The following KCNH4 variants were observed in gnomAD, a reference collection of about 807,000 sequenced individuals.
KCNH4 encodes the protein voltage-gated delayed rectifier potassium channel KCNH4.
A neutral mutation model predicts 90.7 loss-of-function variants in KCNH4; 33 were observed. That is an observed-to-expected ratio of 0.36 (90% CI 0.28 to 0.49). The LOEUF (loss-of-function observed/expected upper bound fraction) is 0.49, where lower values mean the gene tolerates loss of function less well. KCNH4 is among the 20% of genes least tolerant of loss of function. KCNH4 has a pLI of 0.98. For synonymous variants in KCNH4, 551 were observed against 581.7 expected, an observed-to-expected ratio of 0.95 and a Z score of 0.76; for missense variants, 1,044 against 1,387.1, an observed-to-expected ratio of 0.75 and a Z score of 3.93.
rs780942490 is a variant in KCNH4, at chr17:42,171,818, C to G, written c.1165G>C (p.Glu389Gln). Residue 389 changes from glutamate (E) to glutamine (Q), a missense_variant, in exon 7 of 17, where the codon GAG becomes CAG. Physicochemically the swap from Glu to Gln is conservative, Grantham distance 29. This residue lies in a region of KCNH4 where 318 missense variants were observed against 479.6 expected (regional missense o/e 0.66). Coordinates refer to ENST00000264661, the MANE Select transcript of KCNH4 (RefSeq NM_012285.3). ...TCCCAGAGCAGCGGGTCATTGGCCTCCATCTCCCGGCGCCCGATGACATAC... is the reference window on the plus strand; with the variant it reads ...TCCCAGAGCAGCGGGTCATTGGCCTGCATCTCCCGGCGCCCGATGACATAC... ...IWYVIGRREM[E>Q]ANDPLLWDIG... 1.9e-6 allele frequency: 3 copies of G among 1,614,144 alleles called. No homozygotes were observed. The highest frequency in any genetic ancestry group is 2.5e-6 in the Non-Finnish European group (3 of 1,180,036).
chr17:42,168,131 C>T (rs886264840), intron 9 of KCNH4, among the ~76,000 whole-genome samples: 3 of 152,178 alleles, frequency 2.0e-5, no homozygotes, highest in African/African-American at 4.8e-5. Flanking sequence ...ACCGACATCC[C>T]TCCTTTACAG....
chr17:42,174,476 A>G (rs1468676738), intron 6 of KCNH4, among the ~76,000 whole-genome samples: 1 of 152,110 alleles, frequency 6.6e-6, no homozygotes, highest in Non-Finnish European at 1.5e-5. Context: ...ATCTGCTCAG[A>G]ATGGTCAGAG....
At chr17:42,177,242 T>C (rs998109492) in intron 4 of KCNH4, among the ~76,000 whole-genome samples, 2 of 152,022 alleles carry the variant, frequency 1.3e-5, no homozygotes, top group East Asian at 1.9e-4. Context: ...AGAGATGGGG[T>C]TTCTCCATGT....
intron 9 of KCNH4, among the ~76,000 whole-genome samples, chr17:42,168,983 G>A (rs1437844256): frequency 6.6e-6 from 1 of 152,136 alleles, no homozygotes; most frequent in Non-Finnish European, 1.5e-5. Context: ...GTGTTAGCCA[G>A]GATGGTCTCG....
intron 4 of KCNH4, among the ~76,000 whole-genome samples, chr17:42,177,701 C>G (rs1209614587): frequency 2.6e-5 from 4 of 152,130 alleles, no homozygotes; most frequent in African/African-American, 7.2e-5. Flanking sequence ...AATCCCCTGG[C>G]TTGGTCAGGA....
Position 42,163,332 on chromosome 17 carries a change from A to C in KCNH4, c.2480T>G (p.Ile827Arg). 1.9e-6 allele frequency: 3 copies of C among 1,610,084 alleles called. No individual in the cohort carries two copies. Among genetic ancestry groups the C allele is most frequent in the Non-Finnish European group, 2.6e-6 (3 of 1,176,436 alleles). ...TFGPPDLSPR[I>R]VDGIEDSGST... Reference sequence around the variant, plus strand: ...GCCAGAGTCCTCAATGCCATCCACTATCCTGGGAACAGGGCAGTGCTCATC... The same window carrying C: ...GCCAGAGTCCTCAATGCCATCCACTCTCCTGGGAACAGGGCAGTGCTCATC... The change falls in exon 14 of 17, where the codon ATA (isoleucine) becomes AGA (arginine). Residue 827 changes from isoleucine (I) to arginine (R), a missense_variant and splice_region_variant. By Grantham distance (97) the Ile-to-Arg change is moderately conservative. This residue lies in a region of KCNH4 where 441 missense variants were observed against 512.3 expected (regional missense o/e 0.86). Coordinates refer to ENST00000264661, the MANE Select transcript of KCNH4 (RefSeq NM_012285.3). This position sits in a 1 kb window ranked among gnomAD's most constrained non-coding sequence, Gnocchi z 5.4.
At chr17:42,174,318 T>G (rs531233258) in intron 6 of KCNH4, among the ~76,000 whole-genome samples, 12 of 152,100 alleles carry the variant, frequency 7.9e-5, no homozygotes, top group African/African-American at 2.9e-4. Context: ...CATGTGATGA[T>G]GAGTGTGAAA....
intron 10 of KCNH4, 76 bp from the exon 11 acceptor site, chr17:42,165,769 T>G (rs2079782959): frequency 7.1e-6 from 11 of 1,556,438 alleles, no homozygotes; most frequent in African/African-American, 1.4e-5. Context: ...CTCAGTGGAT[T>G]TGAGGGGTGG....
At position 42,169,670 on chromosome 17, in the gene KCNH4, A is replaced by G. The variant is rs2079813377; in HGVS notation, c.1397T>C (p.Met466Thr). 2 of 1,613,358 alleles carry G rather than the reference A, an allele frequency of 1.2e-6. No individual in the cohort carries two copies. The highest frequency in any genetic ancestry group is 8.5e-7 in the Non-Finnish European group (1 of 1,179,784). ...CACGTTCCCGAACACCACAGCGTGC[A>G]TCAGGGCTGCAGCAGCAGCAGCGGG... Reference protein sequence around the residue: ...SICTMLIGALMHAVVFGNVTA... With the variant: ...SICTMLIGALTHAVVFGNVTA... Residue 466 changes from methionine to threonine, a missense_variant, in exon 9 of 17, where the codon ATG becomes ACG. By Grantham distance (81) the Met-to-Thr change is moderately conservative. Around this residue, in one of 4 missense-constraint regions of KCNH4, gnomAD observed 318 missense variants for 479.6 expected, o/e 0.66. Coordinates refer to ENST00000264661, the MANE Select transcript of KCNH4 (RefSeq NM_012285.3).
chr17:42,163,166 G>T lies in KCNH4; in HGVS notation c.2584+62C>A. 8.7e-7 allele frequency: 1 copy of T among 1,155,512 alleles called. No individual in the cohort carries two copies. The highest frequency in any genetic ancestry group is 1.3e-6 in the Non-Finnish European group (1 of 763,288). The allele number at this position is 1,155,512 out of a possible 1,614,324, so 71.6% of individuals were successfully genotyped here. A position where few individuals can be genotyped will look rare whatever the true frequency, so the allele number is the denominator to read the frequency against. On this transcript the variant is annotated intron_variant, in intron 14 of 16. Transcript: ENST00000264661. This position sits in a 1 kb window ranked among gnomAD's most constrained non-coding sequence, Gnocchi z 5.4. ...CATGGTAGGCCCCTACTACATATGG[G>T]ATGGATGGACAGGTGGATGGGCAGA... is the stretch of plus-strand genomic sequence containing the variant.
intron 15 of KCNH4, among the ~76,000 whole-genome samples, chr17:42,161,764 C>T (rs1024287365): frequency 1.6e-4 from 24 of 152,168 alleles, no homozygotes; most frequent in African/African-American, 5.6e-4. Context: ...TATGACATGC[C>T]AGGGATTGGA....
intron 4 of KCNH4, among the ~76,000 whole-genome samples, chr17:42,177,547 C>G (rs766954841): frequency 1.3e-5 from 2 of 152,300 alleles, no homozygotes; most frequent in East Asian, 1.9e-4. Flanking sequence ...CGGCACATGC[C>G]CTAGCTTGAG....
Position 42,180,114 on chromosome 17 carries a change from G to T in KCNH4, c.76+756C>A, listed in dbSNP as rs1567644300. ...TGGAAACAAGGTGGTGGGGAAGAGG[G>T]TAGGGCCCGGCGGCTCAGTTTCCGC... On this transcript the variant is annotated intron_variant, in intron 1 of 16. Coordinates refer to ENST00000264661, the MANE Select transcript of KCNH4 (RefSeq NM_012285.3). The surrounding 1 kb of genome is among the most constrained non-coding windows in gnomAD (Gnocchi z 4.7). 6.6e-6 allele frequency among the ~76,000 whole-genome samples: 1 copy of T among 152,242 alleles called. No homozygotes were observed. Among genetic ancestry groups the T allele is most frequent in the Non-Finnish European group, 1.5e-5 (1 of 68,040 alleles).
intron 11 of KCNH4, among the ~76,000 whole-genome samples, chr17:42,165,065 C>T (rs1222876386): frequency 1.3e-5 from 2 of 151,348 alleles, no homozygotes; most frequent in East Asian, 1.9e-4. Flanking sequence ...AAGATCGCGC[C>T]ACTGCACTCC....
chr17:42,176,375 G>A, intron 4 of KCNH4, 78 bp from the exon 5 acceptor site: 1 of 1,379,932 alleles, frequency 7.2e-7, no homozygotes, highest in South Asian at 1.3e-5. Context: ...GGCAGGGGAT[G>A]GGGAAAGTTA....
Position 42,180,782 on chromosome 17 carries a change from G to A in KCNH4, c.76+88C>T. 3 of 1,324,584 alleles carry A rather than the reference G, an allele frequency of 2.3e-6. No individual in the cohort carries two copies. Among genetic ancestry groups the A allele is most frequent in the Non-Finnish European group, 3.2e-6 (3 of 924,278 alleles). 82.1% of individuals were successfully genotyped at this position (1,324,584 alleles called of 1,614,324 possible). On this transcript the variant is annotated intron_variant, in intron 1 of 16. Coordinates refer to ENST00000264661, the MANE Select transcript of KCNH4 (RefSeq NM_012285.3). The surrounding 1 kb of genome is among the most constrained non-coding windows in gnomAD (Gnocchi z 4.7). ...CCTCCATTCTCTCCCCTCGCCTCGGGTCTCACCATGTCCAGGAGATCCGAG... is the reference window on the plus strand; with the variant it reads ...CCTCCATTCTCTCCCCTCGCCTCGGATCTCACCATGTCCAGGAGATCCGAG...
intron 9 of KCNH4, 123 bp downstream of exon 9, chr17:42,169,354 A>T: frequency 1.1e-6 from 1 of 885,280 alleles, no homozygotes; most frequent in Non-Finnish European, 1.8e-6. Flanking sequence ...TGCTGGGATT[A>T]CAGGTGTGAG....
rs1288288909 is a variant in KCNH4, at chr17:42,176,214, G to A, written c.669C>T (p.Ser223=). The change falls in exon 5 of 17, where the codon AGC becomes AGT. Residue 223 remains serine (S), a synonymous_variant. Transcript: ENST00000264661. ...GGCCGTCCCAGATGGCCTTGGAGAC[G>A]CTGTAGTGGAGGAGGAGGCAGCGAG... The part of the protein sequence containing the change: ...GGSRCLLLHY[S]VSKAIWDGLI... The A allele has an allele frequency of 5.6e-6, 9 of 1,613,622 alleles. No homozygotes were observed. The highest frequency in any genetic ancestry group is 1.3e-5 in the African/African-American group (1 of 74,790).
Position 42,163,209 on chromosome 17 carries a change from G to T in KCNH4, c.2584+19C>A. On this transcript the variant is annotated intron_variant, in intron 14 of 16. Coordinates refer to ENST00000264661, the MANE Select transcript of KCNH4 (RefSeq NM_012285.3). This position sits in a 1 kb window ranked among gnomAD's most constrained non-coding sequence, Gnocchi z 5.4. ...TGGGCAGATGGATGACGGGGTTGAA[G>T]TCCACTGTTGGCCCTTACCTGTAGG... 2 of 1,534,850 alleles carry T rather than the reference G, an allele frequency of 1.3e-6. No homozygotes were observed. The highest frequency in any genetic ancestry group is 9.0e-7 in the Non-Finnish European group (1 of 1,107,678).
Sources: allele counts gnomAD v4.1 joint callset (sites outside exome capture counted in the v4.1 genomes callset), GRCh38; gene constraint gnomAD v4.1.1; regional missense constraint gnomAD v4.1.1; non-coding constraint Gnocchi (gnomAD v3.1); transcripts MANE v1.5; gene names NCBI Gene and HGNC (gene_info 2026-07-23, HGNC 2026-07-21).